The following DAB1 variants were observed in gnomAD, a reference collection of about 807,000 sequenced individuals.
The protein encoded by DAB1 is disabled homolog 1.
DAB1 carries 15 observed loss-of-function variants against 64.6 expected under a neutral mutation model. The ratio of observed to expected loss-of-function variants is 0.23; its 90% CI spans 0.16 to 0.36. DAB1 has a LOEUF of 0.36. Ranked by LOEUF, DAB1 falls within the 10% of genes least tolerant of loss-of-function variation. DAB1 has a pLI of 1.00. For synonymous variants in DAB1, 235 were observed against 251.9 expected, an observed-to-expected ratio of 0.93 and a Z score of 0.64; for missense variants, 596 against 706.7, an observed-to-expected ratio of 0.84 and a Z score of 1.78.
At chr1:58,504,515 A>G (rs898560384) in intron 3 of DAB1, among the ~76,000 whole-genome samples, 2 of 151,718 alleles carry the variant, frequency 1.3e-5, no homozygotes, top group Non-Finnish European at 1.5e-5. Flanking sequence ...AATCTGCTTT[A>G]TTTTTTCCCA....
intron 9 of DAB1, among the ~76,000 whole-genome samples, chr1:57,038,349 G>A (rs1647285552): frequency 6.6e-6 from 1 of 152,110 alleles, no homozygotes; most frequent in Non-Finnish European, 1.5e-5. Flanking sequence ...TATTTGTGGA[G>A]TTTTTTAGAA....
At chr1:58,344,948 T>C (rs1264339937) in intron 3 of DAB1, among the ~76,000 whole-genome samples, 1 of 152,216 alleles carries the variant, frequency 6.6e-6, no homozygotes, top group Non-Finnish European at 1.5e-5. Flanking sequence ...CTCTGTTATA[T>C]GGCCATTGTA....
At chr1:58,123,875 T>G (rs74076078) in intron 5 of DAB1, among the ~76,000 whole-genome samples, 1 of 151,960 alleles carries the variant, frequency 6.6e-6, no homozygotes, top group African/African-American at 2.4e-5. Context: ...GTTATATATG[T>G]GAGAGGAAGA....
chr1:57,720,641 T>G (rs963367457), intron 6 of DAB1, among the ~76,000 whole-genome samples: 1 of 152,242 alleles, frequency 6.6e-6, no homozygotes, highest in East Asian at 1.9e-4. Context: ...CTAATAGTGT[T>G]GTAGTGAGGC....
In DAB1 at chr1:57,634,270, G is replaced by A. The variant is rs189247849; in HGVS notation, n.625+15322C>T. Among the ~76,000 whole-genome samples, 759 of 152,336 alleles carry A rather than the reference G, an allele frequency of 5.0e-3. 7 individuals carry two copies. The highest frequency in any genetic ancestry group is 8.4e-3 in the Non-Finnish European group (574 of 68,024). On this transcript the variant is annotated intron_variant and non_coding_transcript_variant, in intron 7 of 20. Coordinates refer to the DAB1 transcript ENST00000485760. The stretch of plus-strand genomic sequence containing the variant: ...GCACACAGCATTGTGCTGAAAGAAC[G>A]TGAGCTATAATAGCAGATAAAAACA...
chr1:57,271,995 GACAA>G (rs995622140), intron 2 of DAB1, among the ~76,000 whole-genome samples: 1 of 152,212 alleles, frequency 6.6e-6, no homozygotes, highest in African/African-American at 2.4e-5. Context: ...CAAGCACAGT[GACAA>G]ACAAAGGCAA....
Position 58,286,082 on chromosome 1 carries a change from A to G in DAB1, n.309+57270T>C, listed in dbSNP as rs141418473. On this transcript the variant is annotated intron_variant and non_coding_transcript_variant, in intron 4 of 20. Transcript: ENST00000485760. ...CATTGGGGAAAGGATTCCCTATATA[A>G]TAAATGGTGCTGGGAAAACTGGCTA... Among the ~76,000 whole-genome samples the G allele has an allele frequency of 1.5e-3, 202 of 136,800 alleles. 1 individual carries two copies. The highest frequency in any genetic ancestry group is 5.3e-3 in the African/African-American group (196 of 36,722). The allele number at this position is 136,800 out of a possible 152,430, so 89.7% of individuals were successfully genotyped here. A position where few individuals can be genotyped will look rare whatever the true frequency, so the allele number is the denominator to read the frequency against.
intron 7 of DAB1, among the ~76,000 whole-genome samples, chr1:57,606,853 G>A (rs1183077829): frequency 6.7e-6 from 1 of 148,620 alleles, no homozygotes; most frequent in African/African-American, 2.5e-5. Flanking sequence ...GCAATGGTAC[G>A]ATCTCGGCTC....
chr1:58,465,666 C>T (rs112314980), intron 3 of DAB1, among the ~76,000 whole-genome samples: 258 of 152,230 alleles, frequency 1.7e-3, no homozygotes, highest in Non-Finnish European at 2.5e-3. Context: ...CCCCATCAAA[C>T]CAATGCATTG....
chr1:57,482,991 C>T (rs1644042956), intron 7 of DAB1, among the ~76,000 whole-genome samples: 1 of 152,084 alleles, frequency 6.6e-6, no homozygotes, highest in Admixed American at 6.6e-5. Flanking sequence ...TCTATTTGAA[C>T]ACATATTACA....
chr1:57,198,647 T>TCACA (rs576896744), intron 2 of DAB1, among the ~76,000 whole-genome samples: 3,045 of 112,676 alleles, frequency 0.027, 66 homozygotes, highest in South Asian at 0.079. Flanking sequence ...ATCTTCTCTC[T>TCACA]CTCACACACA....
At chr1:57,700,892 C>T in intron 6 of DAB1, among the ~76,000 whole-genome samples, 1 of 151,910 alleles carries the variant, frequency 6.6e-6, no homozygotes, top group East Asian at 1.9e-4. Context: ...TTTTTTTCCT[C>T]TGACTATGTA....
At chr1:57,487,152 C>T (rs185670563) in intron 7 of DAB1, among the ~76,000 whole-genome samples, 6 of 152,086 alleles carry the variant, frequency 3.9e-5, no homozygotes, top group Admixed American at 1.3e-4. Flanking sequence ...AGGGATGATG[C>T]GATGGAACCA....
At chr1:57,374,415 TG>T (rs1480603718) in intron 1 of DAB1, among the ~76,000 whole-genome samples, 1 of 152,234 alleles carries the variant, frequency 6.6e-6, no homozygotes. Context: ...TGTATTATTT[TG>T]TTTGGAAAGC....
intron 6 of DAB1, among the ~76,000 whole-genome samples, chr1:57,690,621 T>C (rs1271709231): frequency 6.6e-6 from 1 of 152,142 alleles, no homozygotes; most frequent in Non-Finnish European, 1.5e-5. Context: ...AGGTATTTCT[T>C]TATAGCAGTG....
intron 2 of DAB1, among the ~76,000 whole-genome samples, chr1:57,160,000 G>A (rs1010382723): frequency 2.6e-5 from 4 of 152,098 alleles, no homozygotes; most frequent in African/African-American, 9.7e-5. Context: ...GGCAAATCAA[G>A]GAGTGACTAG....
chr1:58,457,568 C>T lies in DAB1; in HGVS notation n.257+48492G>A, dbSNP rs12059253. On this transcript the variant is annotated intron_variant and non_coding_transcript_variant, in intron 3 of 20. Transcript: ENST00000485760. Reference sequence around the variant, plus strand: ...AGCAATAACAACATGGAAGCCAACACGGAAGGCAGTTCGTTGTGTTGGCTT... The same window carrying T: ...AGCAATAACAACATGGAAGCCAACATGGAAGGCAGTTCGTTGTGTTGGCTT... 8.0e-3 allele frequency among the ~76,000 whole-genome samples: 1,222 copies of T among 152,278 alleles called. 18 individuals are homozygous for T. Among genetic ancestry groups the T allele is most frequent in the African/African-American group, 0.028 (1,166 of 41,564 alleles).
chr1:57,016,988 G>T (rs1570506109), intron 11 of DAB1, among the ~76,000 whole-genome samples: 1 of 152,262 alleles, frequency 6.6e-6, no homozygotes, highest in South Asian at 2.1e-4. Context: ...GTCAAACTGA[G>T]GTTGTCTGTC....
chr1:58,003,633 C>T (rs967887062), intron 5 of DAB1, among the ~76,000 whole-genome samples: 6 of 152,106 alleles, frequency 3.9e-5, no homozygotes, highest in African/African-American at 7.2e-5. Context: ...TCCTGCACTC[C>T]GGGGTCCACA....
Sources: allele counts gnomAD v4.1 joint callset (sites outside exome capture counted in the v4.1 genomes callset), GRCh38; gene constraint gnomAD v4.1.1; transcripts MANE v1.5; gene names NCBI Gene and HGNC (gene_info 2026-07-23, HGNC 2026-07-21).